The following MALRD1 variants were observed in gnomAD, a reference collection of about 807,000 sequenced individuals.
MALRD1 encodes MAM and LDL receptor class A domain containing 1.
MALRD1 carries 247 observed loss-of-function variants against 242.1 expected under a neutral mutation model. The ratio of observed to expected loss-of-function variants is 1.02; its 90% confidence interval spans 0.92 to 1.13. MALRD1 has a LOEUF of 1.13. Ranked by LOEUF, MALRD1 falls within the 50% of genes most tolerant of loss-of-function variation. The probability of loss-of-function intolerance (pLI) is 0.00; values close to 1 mark genes in which losing one functional copy is unlikely to be tolerated. For missense variants in MALRD1, 2,989 were observed against 2,533.1 expected, an observed-to-expected ratio of 1.18 and a Z score of -3.86; for synonymous variants, 995 against 866.6, an observed-to-expected ratio of 1.15 and a Z score of -2.60.
chr10:19,444,054 G>A (rs1297487641), intron 28 of MALRD1, among the ~76,000 whole-genome samples: 2 of 152,024 alleles, frequency 1.3e-5, no homozygotes, highest in Non-Finnish European at 2.9e-5. Context: ...TCCCTTTATC[G>A]TTATGTAATG....
chr10:19,539,221 C>T (rs886903435), intron 32 of MALRD1, among the ~76,000 whole-genome samples: 1 of 152,118 alleles, frequency 6.6e-6, no homozygotes, highest in Non-Finnish European at 1.5e-5. Flanking sequence ...CAAGTACTGA[C>T]GTTATCTACA....
chr10:19,298,172 A>G (rs966898100), intron 21 of MALRD1, among the ~76,000 whole-genome samples: 1 of 151,988 alleles, frequency 6.6e-6, no homozygotes, highest in African/African-American at 2.4e-5. Context: ...CCAAAGGGGA[A>G]ATGGGCACAT....
chr10:19,575,697 C>T (rs1166294244), intron 33 of MALRD1, among the ~76,000 whole-genome samples: 2 of 152,076 alleles, frequency 1.3e-5, no homozygotes, highest in Non-Finnish European at 2.9e-5. Context: ...TCTAAATATC[C>T]ACTTTGAAAC....
intron 2 of MALRD1, among the ~76,000 whole-genome samples, chr10:19,085,246 C>T (rs1288382898): frequency 6.6e-6 from 1 of 151,890 alleles, no homozygotes; most frequent in Non-Finnish European, 1.5e-5. Context: ...GCCTTTTTCT[C>T]TTAAACTCAT....
Position 19,690,764 on chromosome 10 carries a change from A to G in MALRD1, c.6138-1518A>G, listed in dbSNP as rs544924220. On this transcript the variant is annotated intron_variant, in intron 36 of 39. Transcript: ENST00000454679. ...TATATATACATTTAGATAAATAGGC[A>G]GTGTAGATAATAGATAGATGGATAG... Among the ~76,000 whole-genome samples the G allele has an allele frequency of 7.2e-5, 11 of 152,026 alleles. No homozygotes were observed. In the South Asian group the frequency reaches 1.4e-3, roughly 20 times the overall value.
intron 4 of MALRD1, among the ~76,000 whole-genome samples, chr10:19,099,041 TCTAA>T (rs1836150526): frequency 6.6e-6 from 1 of 152,184 alleles, no homozygotes; most frequent in Non-Finnish European, 1.5e-5. Context: ...AAATGGGTTC[TCTAA>T]CTGGCTGGTG....
chr10:19,243,252 C>T (rs1423021410), intron 18 of MALRD1, among the ~76,000 whole-genome samples: 1 of 151,774 alleles, frequency 6.6e-6, no homozygotes, highest in African/African-American at 2.4e-5. Context: ...TACATTACAT[C>T]TTTATGAATG....
intron 8 of MALRD1, among the ~76,000 whole-genome samples, chr10:19,132,209 T>A (rs1444709330): frequency 6.6e-6 from 1 of 152,178 alleles, no homozygotes; most frequent in Non-Finnish European, 1.5e-5. Flanking sequence ...ACGGGGAAAG[T>A]GGTGAATGCA....
In MALRD1 at chr10:19,323,965, T is replaced by C. The variant is rs955442104; in HGVS notation, c.3436T>C (p.Trp1146Arg). ...VDHTQNTTDGWYLYADSSNGK... is the reference protein window; with the variant it reads ...VDHTQNTTDGRYLYADSSNGK... ...CTTTTCCAGAAATACCACTGATGGC[T>C]GGTACCTGTATGCTGACAGTTCTAA... The change falls in exon 22 of 40, where the codon TGG (tryptophan) becomes CGG (arginine). Residue 1146 changes from tryptophan (W) to arginine (R), a missense_variant. Trp to Arg is a moderately radical substitution (Grantham distance 101, BLOSUM62 -3). Coordinates refer to ENST00000454679, the MANE Select transcript of MALRD1 (RefSeq NM_001142308.3). 2.6e-6 allele frequency: 4 copies of C among 1,550,676 alleles called. No homozygotes were observed. The African/African-American group carries it at 5.5e-5, about 21-fold the overall frequency.
At chr10:19,255,874 A>C (rs1010864895) in intron 18 of MALRD1, among the ~76,000 whole-genome samples, 2 of 151,974 alleles carry the variant, frequency 1.3e-5, no homozygotes, top group Non-Finnish European at 2.9e-5. Flanking sequence ...ACATTCTCTA[A>C]CCTGTTATGG....
intron 19 of MALRD1, among the ~76,000 whole-genome samples, chr10:19,261,089 A>T (rs1251857549): frequency 6.6e-6 from 1 of 152,134 alleles, no homozygotes; most frequent in Non-Finnish European, 1.5e-5. Context: ...GAAGAGAACA[A>T]AAAAAGAACA....
At chr10:19,357,115 A>AT (rs574559175) in intron 26 of MALRD1, among the ~76,000 whole-genome samples, 75 of 147,008 alleles carry the variant, frequency 5.1e-4, no homozygotes, top group Admixed American at 1.2e-3. Context: ...GTCTGAAAAA[A>AT]AAAAATAAAA....
intron 13 of MALRD1, among the ~76,000 whole-genome samples, chr10:19,170,779 ATTAC>A (rs1834888058): frequency 6.6e-6 from 1 of 152,152 alleles, no homozygotes; most frequent in Non-Finnish European, 1.5e-5. Context: ...CATTCAACCA[ATTAC>A]TTCTATTCTC....
At chr10:19,323,611 A>T (rs1180897318) in intron 21 of MALRD1, among the ~76,000 whole-genome samples, 1 of 152,120 alleles carries the variant, frequency 6.6e-6, no homozygotes, top group African/African-American at 2.4e-5. Context: ...GTTTCACAGT[A>T]TTCTTCTTCT....
intron 38 of MALRD1, among the ~76,000 whole-genome samples, chr10:19,701,164 A>G (rs1229814274): frequency 2.0e-5 from 3 of 152,026 alleles, no homozygotes; most frequent in African/African-American, 7.2e-5. Context: ...AAATAACATA[A>G]AATAAATTAA....
intron 36 of MALRD1, among the ~76,000 whole-genome samples, chr10:19,641,364 A>G (rs1227220632): frequency 6.6e-6 from 1 of 152,234 alleles, no homozygotes; most frequent in Non-Finnish European, 1.5e-5. Flanking sequence ...GAGGCTTTAC[A>G]TGCAAAAGAA....
At chr10:19,319,327 G>A (rs375355035) in intron 21 of MALRD1, among the ~76,000 whole-genome samples, 60 of 152,114 alleles carry the variant, frequency 3.9e-4, no homozygotes, top group African/African-American at 1.3e-3. Flanking sequence ...ACCAGTCAAG[G>A]TTCATTTTTC....
At chr10:19,204,176 C>G (rs1053662471) in intron 15 of MALRD1, 132 bp from the exon 16 acceptor site, 113 of 687,604 alleles carry the variant, frequency 1.6e-4, no homozygotes, top group Admixed American at 8.9e-5. Flanking sequence ...CTAAGAGTCA[C>G]TGATTGATTA....
intron 4 of MALRD1, 32 bp downstream of exon 4, chr10:19,088,217 T>G: frequency 8.1e-7 from 1 of 1,230,826 alleles, no homozygotes; most frequent in South Asian, 4.1e-5. Context: ...ACTATGGCCT[T>G]GAAGAAAAAT....
Sources: allele counts gnomAD v4.1 joint callset (sites outside exome capture counted in the v4.1 genomes callset), GRCh38; gene constraint gnomAD v4.1.1; transcripts MANE v1.5; gene names NCBI Gene and HGNC (gene_info 2026-07-23, HGNC 2026-07-21).